ADAMTS20: variants seen among roughly 807,000 people sequenced by gnomAD.
ADAMTS20 encodes A disintegrin and metalloproteinase with thrombospondin motifs 20.
ADAMTS20 carries 225 observed loss-of-function variants against 260.1 expected under a neutral mutation model. The ratio of observed to expected loss-of-function variants is 0.87; its 90% CI spans 0.78 to 0.97. The LOEUF (loss-of-function observed/expected upper bound fraction) is 0.97. ADAMTS20 is among the 50% of genes least tolerant of loss of function. The pLI, the probability that ADAMTS20 is intolerant of heterozygous loss-of-function variation, is 0.00. For synonymous variants in ADAMTS20, 802 were observed against 769.5 expected (o/e 1.04, Z -0.70); for missense variants, 2,400 against 2,337.7 (o/e 1.03, Z -0.55).
At chr12:43,415,201 A>G (rs1941106119) in intron 28 of ADAMTS20, among the ~76,000 whole-genome samples, 1 of 152,158 alleles carries the variant, frequency 6.6e-6, no homozygotes, top group Admixed American at 6.5e-5. Flanking sequence ...TTTTGGGAAG[A>G]TAGTAACTGC....
chr12:43,403,511 T>G (rs1940853096), intron 28 of ADAMTS20, among the ~76,000 whole-genome samples: 1 of 152,236 alleles, frequency 6.6e-6, no homozygotes, highest in Admixed American at 6.5e-5. Context: ...TGTATATCCC[T>G]GAAAAGTAAC....
intron 3 of ADAMTS20, among the ~76,000 whole-genome samples, chr12:43,526,848 G>A (rs1181230041): frequency 4.0e-5 from 6 of 151,822 alleles, no homozygotes; most frequent in South Asian, 2.1e-4. Flanking sequence ...GAGCAAAACC[G>A]AATGAAATTG....
intron 31 of ADAMTS20, among the ~76,000 whole-genome samples, chr12:43,381,142 G>A (rs1379686413): frequency 6.6e-6 from 1 of 152,060 alleles, no homozygotes; most frequent in Non-Finnish European, 1.5e-5. Context: ...TTCAATGGGG[G>A]AAAGAATAAT....
chr12:43,468,321 A>G (rs1230721342), intron 8 of ADAMTS20, among the ~76,000 whole-genome samples: 1 of 152,200 alleles, frequency 6.6e-6, no homozygotes, highest in Admixed American at 6.5e-5. Context: ...GGATAACAAG[A>G]GACAGAGGCC....
At chr12:43,428,833 T>A in intron 24 of ADAMTS20, 34 bp from the exon 25 acceptor site, 1 of 1,561,924 alleles carries the variant, frequency 6.4e-7, no homozygotes, top group African/African-American at 1.4e-5. Context: ...CCGGGCATTA[T>A]ACAGTAGTAC....
intron 2 of ADAMTS20, among the ~76,000 whole-genome samples, chr12:43,543,915 A>G (rs925879720): frequency 3.9e-5 from 6 of 152,224 alleles, no homozygotes; most frequent in Non-Finnish European, 8.8e-5. Context: ...TATAGTTATA[A>G]ATTATATAGC....
chr12:43,454,393 T>C (rs1257526459), intron 11 of ADAMTS20, among the ~76,000 whole-genome samples: 1 of 152,188 alleles, frequency 6.6e-6, no homozygotes, highest in Non-Finnish European at 1.5e-5. Context: ...CTTCCATTTT[T>C]TTACTCAAAG....
intron 2 of ADAMTS20, among the ~76,000 whole-genome samples, chr12:43,532,402 T>C (rs1943235768): frequency 1.3e-5 from 2 of 152,248 alleles, no homozygotes; most frequent in South Asian, 4.1e-4. Flanking sequence ...GACTGGATAG[T>C]GTTCCAACAG....
In ADAMTS20 at chr12:43,452,684, C is replaced by T; in HGVS notation, c.1772G>A (p.Gly591Glu). The change falls in exon 13 of 39, where the codon GGA becomes GAA. Residue 591 changes from glycine to glutamate, a missense_variant. Gly to Glu is a moderately conservative substitution (Grantham distance 98). Transcript: ENST00000389420. ...CCTGCGGCCCACACAGTAATTTCCT[C>T]CGTTTCTTGGCCTAGTCAAATTCAT... ...RRCNRPEPRN[G>E]GNYCVGRRMK... 1 of 1,603,758 alleles carries T rather than the reference C, an allele frequency of 6.2e-7. No individual in the cohort carries two copies. The highest frequency in any genetic ancestry group is 8.5e-7 in the Non-Finnish European group (1 of 1,173,404).
intron 11 of ADAMTS20, among the ~76,000 whole-genome samples, chr12:43,462,077 A>T (rs1942074189): frequency 6.6e-6 from 1 of 152,250 alleles, no homozygotes; most frequent in Non-Finnish European, 1.5e-5. Context: ...AGCTATTATA[A>T]ATATTTCAAG....
At chr12:43,521,963 T>C (rs546314483) in intron 3 of ADAMTS20, among the ~76,000 whole-genome samples, 1 of 152,264 alleles carries the variant, frequency 6.6e-6, no homozygotes, top group East Asian at 1.9e-4. Context: ...TCAAAGACTA[T>C]AAGAATAAAT....
intron 7 of ADAMTS20, among the ~76,000 whole-genome samples, chr12:43,481,834 A>C (rs183109334): frequency 6.6e-6 from 1 of 152,304 alleles, no homozygotes; most frequent in East Asian, 1.9e-4. Context: ...ACTTTTTTCC[A>C]AGAAGCAACA....
chr12:43,483,731 A>G (rs990371537), intron 7 of ADAMTS20, among the ~76,000 whole-genome samples: 1 of 152,066 alleles, frequency 6.6e-6, no homozygotes, highest in African/African-American at 2.4e-5. Context: ...TTCCCCTTGA[A>G]AAGTCCTCAG....
At chr12:43,518,550 G>T (rs1442833401) in intron 3 of ADAMTS20, among the ~76,000 whole-genome samples, 1 of 151,836 alleles carries the variant, frequency 6.6e-6, no homozygotes, top group Non-Finnish European at 1.5e-5. Flanking sequence ...TCTCTATCTA[G>T]TCTATTCCCC....
chr12:43,387,316 G>T (rs1940500862), intron 29 of ADAMTS20, among the ~76,000 whole-genome samples: 1 of 152,214 alleles, frequency 6.6e-6, no homozygotes, highest in Non-Finnish European at 1.5e-5. Context: ...ATCACCAGCA[G>T]AGGCTGCAGA....
chr12:43,496,158 T>C, intron 4 of ADAMTS20, among the ~76,000 whole-genome samples: 1 of 152,324 alleles, frequency 6.6e-6, no homozygotes, highest in Middle Eastern at 3.4e-3. Context: ...GAGTAAATAT[T>C]AAATGATACA....
intron 15 of ADAMTS20, 51 bp downstream of exon 15, chr12:43,446,544 C>A (rs1000041689): frequency 3.0e-6 from 4 of 1,345,750 alleles, no homozygotes; most frequent in Non-Finnish European, 4.2e-6. Flanking sequence ...TTTACAGACT[C>A]CATTATTATA....
Position 43,551,183 on chromosome 12 carries a change from T to C in ADAMTS20, c.179A>G (p.His60Arg), listed in dbSNP as rs753501922. 28 of 1,613,698 alleles carry C rather than the reference T, an allele frequency of 1.7e-5. No homozygotes were observed. Among genetic ancestry groups the C allele is most frequent in the Non-Finnish European group, 2.2e-5 (26 of 1,179,878 alleles). The change falls in exon 2 of 39, where the codon CAC (histidine) becomes CGC (arginine). Residue 60 changes from histidine to arginine, a missense_variant. Physicochemically the swap from His to Arg is conservative, Grantham distance 29. Transcript: ENST00000389420. The surrounding 1 kb of genome is among the most constrained non-coding windows in gnomAD (Gnocchi z 4.6). ...EFGEVFPQSHHFSRQKRSSEA... is the reference protein window; with the variant it reads ...EFGEVFPQSHRFSRQKRSSEA... ...GGAGCTGCGTTTCTGCCGGCTGAAGTGGTGGCTCTGAGGGAACACTTCTCC... is the reference window on the plus strand; with the variant it reads ...GGAGCTGCGTTTCTGCCGGCTGAAGCGGTGGCTCTGAGGGAACACTTCTCC...
At chr12:43,528,720 G>A (rs968112537) in intron 3 of ADAMTS20, among the ~76,000 whole-genome samples, 5 of 151,916 alleles carry the variant, frequency 3.3e-5, no homozygotes, top group Non-Finnish European at 5.9e-5. Flanking sequence ...GAAACCCTAG[G>A]GAAAACTCTT....
Sources: gnomAD v4.1 joint callset for allele counts (sites outside exome capture counted in the v4.1 genomes callset) on GRCh38, gnomAD v4.1.1 for gene constraint, Gnocchi (gnomAD v3.1) non-coding constraint, MANE v1.5 for transcripts, NCBI Gene and HGNC (gene_info 2026-07-23, HGNC 2026-07-21) for gene names.